ACADVL: variants seen among roughly 807,000 people sequenced by gnomAD.
ACADVL encodes acyl-CoA dehydrogenase very long chain.
In ACADVL, 73 loss-of-function variants were observed where a neutral mutation model predicts 80.4. The observed-to-expected ratio is 0.91, with a 90% CI of 0.75 to 1.10. The LOEUF is 1.10. Among genes scored for constraint, ACADVL ranks in the 50% least tolerant of loss-of-function variants. The pLI is 0.00. For synonymous variants in ACADVL, 392 were observed against 326.5 expected (o/e 1.20, Z -2.16); for missense variants, 878 against 858.9 (o/e 1.02, Z -0.28).
rs1005791056 is a variant in ACADVL at position 7,224,143 on chromosome 17, T to A, written c.1435-3T>A. 1 of 1,613,798 alleles carries A rather than the reference T, an allele frequency of 6.2e-7. No homozygotes were observed. Among genetic ancestry groups the A allele is most frequent in the African/African-American group, 1.3e-5 (1 of 74,826 alleles). Reference sequence around the variant, plus strand: ...CTGACTGCTGGACCCTCTTCCCCCATAGGACAAAGGAAAGGAGCTCTCTGG... The same window carrying A: ...CTGACTGCTGGACCCTCTTCCCCCAAAGGACAAAGGAAAGGAGCTCTCTGG... On this transcript the variant is annotated splice_polypyrimidine_tract_variant and splice_region_variant and intron_variant, in intron 14 of 19. Transcript: ENST00000356839.
Position 7,225,044 on chromosome 17 carries a change from A to G in ACADVL, c.1915A>G (p.Lys639Glu), listed in dbSNP as rs771122302. 1 of 1,613,924 alleles carries G rather than the reference A, an allele frequency of 6.2e-7. No individual in the cohort carries two copies. The highest frequency in any genetic ancestry group is 8.5e-7 in the Non-Finnish European group (1 of 1,179,984). Residue 639 changes from lysine (K) to glutamate (E), a missense_variant, in exon 20 of 20, where the codon AAG (lysine) becomes GAG (glutamate). Transcript: ENST00000356839. Reference sequence around the variant, plus strand: ...CTACCGCAACTTCAAAAGCATCTCCAAGGCCTTGGTGGAGCGGGGTGGTGT... The same window carrying G: ...CTACCGCAACTTCAAAAGCATCTCCGAGGCCTTGGTGGAGCGGGGTGGTGT... The part of the protein sequence containing the change: ...ELYRNFKSIS[K>E]ALVERGGVVT...
chr17:7,225,029 T>C lies in ACADVL; in HGVS notation c.1900T>C (p.Phe634Leu), dbSNP rs940955342. The C allele has an allele frequency of 3.7e-6, 6 of 1,614,100 alleles. No homozygotes were observed. The highest frequency in any genetic ancestry group is 5.1e-6 in the Non-Finnish European group (6 of 1,180,020). ...DPWQQELYRN[F>L]KSISKALVER... Reference sequence around the variant, plus strand: ...CTGGCAGCAAGAGCTCTACCGCAACTTCAAAAGCATCTCCAAGGCCTTGGT... The same window carrying C: ...CTGGCAGCAAGAGCTCTACCGCAACCTCAAAAGCATCTCCAAGGCCTTGGT... Residue 634 changes from phenylalanine to leucine, a missense_variant, in exon 20 of 20, where the codon TTC (phenylalanine) becomes CTC (leucine). Coordinates refer to ENST00000356839, the MANE Select transcript of ACADVL (RefSeq NM_000018.4).
intron 10 of ACADVL, 133 bp from the exon 11 acceptor site, chr17:7,223,000 T>TAGGTCTCCATCC: frequency 6.9e-7 from 1 of 1,439,200 alleles, no homozygotes; most frequent in East Asian, 2.3e-5. Flanking sequence ...CTTGCTAGCT[T>TAGGTCTCCATCC]AGGTCTCCAT....
chr17:7,220,454 C>CT lies in ACADVL; in HGVS notation c.139-6dup. The CT allele has an allele frequency of 2.5e-6, 4 of 1,614,242 alleles. No individual in the cohort carries two copies. Among genetic ancestry groups the CT allele is most frequent in the South Asian group, 2.2e-5 (2 of 91,092 alleles). On this transcript the variant is annotated splice_polypyrimidine_tract_variant and intron_variant, in intron 2 of 19. Transcript: ENST00000356839. ...CCTTCCCTGAACTTGCTAACCGTCT[C>CT]TTTTCCCAGCTGGCTCTGGACAAGT...
chr17:7,218,954 G>T, upstream of ACADVL: 1 of 1,261,578 alleles, frequency 7.9e-7, no homozygotes, highest in South Asian at 1.2e-5. Context: ...TCTCTGAGCC[G>T]ACCAGCTGTC....
Position 7,221,609 on chromosome 17 carries a change from C to A in ACADVL, c.549C>A (p.Ser183Arg), listed in dbSNP as rs2071230479. The A allele has an allele frequency of 1.9e-6, 3 of 1,614,070 alleles. No homozygotes were observed. Among genetic ancestry groups the A allele is most frequent in the Non-Finnish European group, 2.5e-6 (3 of 1,180,028 alleles). The change falls in exon 7 of 20, where the codon AGC (serine) becomes AGA (arginine). Residue 183 changes from serine to arginine, a missense_variant. Coordinates refer to ENST00000356839, the MANE Select transcript of ACADVL (RefSeq NM_000018.4). ...GVGITLGAHQ[S>R]IGFKGILLFG... Reference sequence around the variant, plus strand: ...GCATTACCCTGGGGGCCCATCAGAGCATCGGTTTCAAAGGCATCCTGCTCT... The same window carrying A: ...GCATTACCCTGGGGGCCCATCAGAGAATCGGTTTCAAAGGCATCCTGCTCT...
chr17:7,223,859 G>GT lies in ACADVL; in HGVS notation c.1317dup (p.Met440TyrfsTer23), dbSNP rs1567567440. On this transcript the variant is annotated frameshift_variant, in exon 13 of 20. Transcript: ENST00000356839. LOFTEE classifies it high-confidence loss of function. ...GATGAATGCATCCAAATCATGGGGGGTATGGGCTTCATGAAGGTACAGGAC... is the reference window on the plus strand; with the variant it reads ...GATGAATGCATCCAAATCATGGGGGGTTATGGGCTTCATGAAGGTACAGGAC... 1 of 1,614,086 alleles carries GT rather than the reference G, an allele frequency of 6.2e-7. No individual in the cohort carries two copies. The highest frequency in any genetic ancestry group is 8.5e-7 in the Non-Finnish European group (1 of 1,180,030).
In ACADVL at chr17:7,222,674, C is replaced by T. The variant is rs993854087; in HGVS notation, c.886C>T (p.Pro296Ser). ...RGFGGITHGPPEKKMGIKASN... is the reference protein window; with the variant it reads ...RGFGGITHGPSEKKMGIKASN... ...CACACTGCCCTGACACAGTGGGCCCCCTGAGAAGAAGATGGGCATCAAGGC... is the reference window on the plus strand; with the variant it reads ...CACACTGCCCTGACACAGTGGGCCCTCTGAGAAGAAGATGGGCATCAAGGC... The change falls in exon 10 of 20, where the codon CCT becomes TCT. Residue 296 changes from proline (P) to serine (S), a missense_variant. Transcript: ENST00000356839. The T allele has an allele frequency of 6.2e-7, 1 of 1,613,656 alleles. No individual in the cohort carries two copies. The highest frequency in any genetic ancestry group is 8.5e-7 in the Non-Finnish European group (1 of 1,179,822).
chr17:7,220,973 C>T lies in ACADVL; in HGVS notation c.392C>T (p.Thr131Ile). ...KNDALEMVEE[T>I]TWQGLKELGA... is the part of the protein sequence containing the mutation. ...GACGCTCTGGAGATGGTGGAGGAGA[C>T]CACTTGGCAGGGCCTCAAGGAGCTG... Residue 131 changes from threonine to isoleucine, a missense_variant, in exon 6 of 20, where the codon ACC becomes ATC. Transcript: ENST00000356839. 1.2e-6 allele frequency: 2 copies of T among 1,614,096 alleles called. No homozygotes were observed. The highest frequency in any genetic ancestry group is 2.2e-5 in the East Asian group (1 of 44,876).
chr17:7,218,185 C>T, upstream of ACADVL: 4 of 1,494,844 alleles, frequency 2.7e-6, no homozygotes, highest in Non-Finnish European at 3.7e-6. Context: ...ATTTGGCTCA[C>T]CCCTCCAGCC....
intron 7 of ACADVL, 55 bp downstream of exon 7, chr17:7,221,737 A>T: frequency 1.9e-6 from 3 of 1,612,080 alleles, no homozygotes; most frequent in Non-Finnish European, 1.7e-6. Flanking sequence ...CTTGGCACAG[A>T]TTAGGCCAGT....
intron 11 of ACADVL, 28 bp downstream of exon 11, chr17:7,223,265 G>A (rs751929605): frequency 6.3e-7 from 1 of 1,580,398 alleles, no homozygotes; most frequent in Non-Finnish European, 8.7e-7. Flanking sequence ...CCCTCTCCCT[G>A]GAGCCCTGGG....
At chr17:7,222,485 C>T (rs2071277950) in intron 9 of ACADVL, 182 bp from the exon 10 acceptor site, 2 of 1,168,206 alleles carry the variant, frequency 1.7e-6, no homozygotes, top group East Asian at 5.1e-5. Flanking sequence ...CCAAGTCCAA[C>T]ACAAAATAGG....
At chr17:7,220,423 G>A (rs2071142230) in intron 2 of ACADVL, 41 bp from the exon 3 acceptor site, 8 of 1,612,812 alleles carry the variant, frequency 5.0e-6, no homozygotes, top group Non-Finnish European at 6.8e-6. Context: ...TGACACAGCG[G>A]AAGTCCCTTC....
intron 3 of ACADVL, 26 bp downstream of exon 3, chr17:7,220,555 C>G: frequency 6.2e-7 from 1 of 1,614,218 alleles, no homozygotes; most frequent in Non-Finnish European, 8.5e-7. Flanking sequence ...GCCAGGTGGA[C>G]CTTAGCCAGA....
upstream of ACADVL, chr17:7,219,667 G>A (rs950368507): frequency 7.7e-7 from 1 of 1,302,034 alleles, no homozygotes; most frequent in South Asian, 1.7e-5. Flanking sequence ...CCATCCCTCT[G>A]GCTGCAGTGA....
upstream of ACADVL, chr17:7,218,749 A>T: frequency 6.3e-7 from 1 of 1,588,278 alleles, no homozygotes; most frequent in African/African-American, 1.3e-5. Flanking sequence ...CCCTACGGAA[A>T]GATTTGGGGA....
chr17:7,223,082 A>C (rs1187112469), intron 10 of ACADVL, 51 bp from the exon 11 acceptor site: 1 of 1,556,472 alleles, frequency 6.4e-7, no homozygotes, highest in Admixed American at 1.7e-5. Flanking sequence ...TCTCCTAGGG[A>C]GACTGCAGAA....
chr17:7,217,621 G>A (rs2070991076), upstream of ACADVL: 1 of 1,389,062 alleles, frequency 7.2e-7, no homozygotes, highest in Non-Finnish European at 9.5e-7. Context: ...GAAGGGGAGA[G>A]AGGAGGAGAG....
Sources: allele counts gnomAD v4.1 joint callset, GRCh38; gene constraint gnomAD v4.1.1; transcripts MANE v1.5; gene names NCBI Gene and HGNC (gene_info 2026-07-23, HGNC 2026-07-21).